RNF38: variants seen among roughly 807,000 people sequenced by gnomAD.
RNF38 encodes the protein E3 ubiquitin-protein ligase RNF38.
A neutral mutation model predicts 67.2 loss-of-function variants in RNF38; 15 were observed. The observed-to-expected ratio is 0.22, with a 90% CI of 0.15 to 0.34. The LOEUF (loss-of-function observed/expected upper bound fraction) is 0.34. Ranked by LOEUF, RNF38 falls within the 10% of genes least tolerant of loss-of-function variation. RNF38 has a pLI of 1.00. For synonymous variants in RNF38, 220 were observed against 218.8 expected, an observed-to-expected ratio of 1.01 and a Z score of -0.05; for missense variants, 524 against 639.9, an observed-to-expected ratio of 0.82 and a Z score of 1.95.
At chr9:36,431,915 T>A (rs1440577886) in intron 1 of RNF38, among the ~76,000 whole-genome samples, 5 of 151,956 alleles carry the variant, frequency 3.3e-5, no homozygotes, top group Non-Finnish European at 5.9e-5. Flanking sequence ...CAGGTATAGC[T>A]GAAAGGAGCT....
At chr9:36,396,207 T>C (rs1837498785) in intron 1 of RNF38, among the ~76,000 whole-genome samples, 1 of 152,260 alleles carries the variant, frequency 6.6e-6, no homozygotes, top group Non-Finnish European at 1.5e-5. Context: ...TGTAACAGCC[T>C]GCCTTTCTGA....
In RNF38 at chr9:36,369,758, T is replaced by G; in HGVS notation, c.531A>C (p.Pro177=). ...SPRLLHPAAH[P]PQQNAVMVDI... Reference sequence around the variant, plus strand: ...CAACCATGACTGCATTCTGCTGGGGTGGATGAGCAGCAGGATGTAGCAGAC... The same window carrying G: ...CAACCATGACTGCATTCTGCTGGGGGGGATGAGCAGCAGGATGTAGCAGAC... The change falls in exon 4 of 12, where the codon CCA becomes CCC. Residue 177 remains proline, a synonymous_variant. Coordinates refer to ENST00000259605, the MANE Select transcript of RNF38 (RefSeq NM_022781.5). 1 of 1,613,436 alleles carries G rather than the reference T, an allele frequency of 6.2e-7. No homozygotes were observed. Among genetic ancestry groups the G allele is most frequent in the Non-Finnish European group, 8.5e-7 (1 of 1,179,892 alleles).
intron 1 of RNF38, among the ~76,000 whole-genome samples, chr9:36,446,057 C>T (rs1839294053): frequency 6.6e-6 from 1 of 152,152 alleles, no homozygotes; most frequent in Non-Finnish European, 1.5e-5. Context: ...ACAGGGAAGT[C>T]CACCAAGCTT....
Position 36,385,442 on chromosome 9 carries a change from G to A in RNF38, c.162+5025C>T, listed in dbSNP as rs560558325. 2.0e-3 allele frequency among the ~76,000 whole-genome samples: 299 copies of A among 151,170 alleles called. 1 individual carries two copies. The highest frequency in any genetic ancestry group is 7.2e-3 in the African/African-American group (295 of 41,132). The stretch of plus-strand genomic sequence containing the variant: ...CATCCAGGCTGGAGTGCAATGGCGC[G>A]ATCTCGGCTCACAGTAACCTCCGCC... On this transcript the variant is annotated intron_variant, in intron 2 of 11. Transcript: ENST00000259605.
At chr9:36,451,473 G>GA (rs1037896940) in intron 1 of RNF38, among the ~76,000 whole-genome samples, 12 of 91,298 alleles carry the variant, frequency 1.3e-4, no homozygotes, top group South Asian at 3.8e-4. Context: ...TCTTAAAGAA[G>GA]AAAAAAAAAT....
chr9:36,371,777 C>T (rs950738334), intron 3 of RNF38, among the ~76,000 whole-genome samples: 8 of 151,860 alleles, frequency 5.3e-5, no homozygotes, highest in African/African-American at 1.9e-4. Flanking sequence ...AAATTTTTCT[C>T]GTATTGCCTT....
chr9:36,412,534 G>A (rs1009896771), intron 2 of RNF38, among the ~76,000 whole-genome samples: 2 of 152,234 alleles, frequency 1.3e-5, no homozygotes, highest in Admixed American at 1.3e-4. Context: ...TTCGTGGGAG[G>A]TATCTGGATT....
At chr9:36,357,264 A>G (rs1291367087) in intron 5 of RNF38, among the ~76,000 whole-genome samples, 9 of 152,196 alleles carry the variant, frequency 5.9e-5, no homozygotes, top group Non-Finnish European at 1.3e-4. Flanking sequence ...TGAGCAAGTC[A>G]TATTTAACTT....
At position 36,358,839 on chromosome 9, in the gene RNF38, G is replaced by A. The variant is rs147491252; in HGVS notation, c.571-897C>T. Among the ~76,000 whole-genome samples the A allele has an allele frequency of 7.4e-3, 1,131 of 152,192 alleles. 16 individuals are homozygous for A. Among genetic ancestry groups the A allele is most frequent in the African/African-American group, 0.026 (1,062 of 41,512 alleles). On this transcript the variant is annotated intron_variant, in intron 4 of 11. Transcript: ENST00000259605. ...AGCCTGGCCAACATGGTGAAAACCCGTCTCTACTAAAAATACAAAAAATTA... is the reference window on the plus strand; with the variant it reads ...AGCCTGGCCAACATGGTGAAAACCCATCTCTACTAAAAATACAAAAAATTA...
chr9:36,358,742 G>T (rs987228902), intron 4 of RNF38, among the ~76,000 whole-genome samples: 8 of 152,172 alleles, frequency 5.3e-5, no homozygotes, highest in African/African-American at 1.9e-4. Context: ...AGGCACGGTG[G>T]CTCATGCCTG....
At chr9:36,394,271 C>CAA (rs1292578735) in intron 1 of RNF38, among the ~76,000 whole-genome samples, 19 of 140,822 alleles carry the variant, frequency 1.3e-4, no homozygotes, top group Middle Eastern at 3.6e-3. Flanking sequence ...AAGACTGTCT[C>CAA]AAAAAAAAAA....
In RNF38 at chr9:36,414,964, A is replaced by G. The variant is rs527548449; in HGVS notation, n.312+9649T>C. ...GTTTTCCTTTATGCTTTTCCCTAAC[A>G]GTTCTTAAGGTTCTTTTCTTCATCT... On this transcript the variant is annotated intron_variant and non_coding_transcript_variant, in intron 2 of 3. Coordinates refer to the RNF38 transcript ENST00000488058. 1.3e-3 allele frequency among the ~76,000 whole-genome samples: 197 copies of G among 152,252 alleles called. 1 individual carries two copies. In the Middle Eastern group the frequency reaches 0.017, roughly 13 times the overall value.
At chr9:36,438,072 G>A (rs1469746682) in intron 1 of RNF38, among the ~76,000 whole-genome samples, 1 of 152,116 alleles carries the variant, frequency 6.6e-6, no homozygotes, top group East Asian at 1.9e-4. Flanking sequence ...CTCTCGAGTA[G>A]CTGGGACTAC....
chr9:36,342,013 T>TA (rs1832891503), intron 11 of RNF38, among the ~76,000 whole-genome samples: 1 of 152,124 alleles, frequency 6.6e-6, no homozygotes, highest in Non-Finnish European at 1.5e-5. Context: ...CCTCTGAAAA[T>TA]AGAGCTATAA....
rs764858220 is a variant in RNF38, at chr9:36,369,963, T to C, written c.357-31A>G. 6 of 1,554,104 alleles carry C rather than the reference T, an allele frequency of 3.9e-6. No individual in the cohort carries two copies. In the Admixed American group the frequency reaches 7.1e-5, roughly 18 times the overall value. On this transcript the variant is annotated intron_variant, in intron 3 of 11. Transcript: ENST00000259605. The stretch of plus-strand genomic sequence containing the variant: ...ATAAATATCAAAAAGAAAGTCATTA[T>C]GCTTATTGTGATCCATCAGGATTCT...
intron 1 of RNF38, among the ~76,000 whole-genome samples, chr9:36,427,514 G>A (rs1838803294): frequency 6.6e-6 from 1 of 152,096 alleles, no homozygotes; most frequent in Non-Finnish European, 1.5e-5. Flanking sequence ...TCATGAATAG[G>A]ATCAGTATCC....
At chr9:36,438,107 A>C (rs534840684) in intron 1 of RNF38, among the ~76,000 whole-genome samples, 4 of 151,996 alleles carry the variant, frequency 2.6e-5, no homozygotes, top group Non-Finnish European at 5.9e-5. Context: ...AGGCTCAGCT[A>C]ATTTTTTATT....
chr9:36,445,585 G>A (rs529088837), intron 1 of RNF38, among the ~76,000 whole-genome samples: 35 of 152,336 alleles, frequency 2.3e-4, no homozygotes, highest in Non-Finnish European at 4.7e-4. Context: ...ATGAGAGAGA[G>A]TGAAACAGTC....
intron 1 of RNF38, among the ~76,000 whole-genome samples, chr9:36,444,874 T>C (rs1276304350): frequency 6.6e-6 from 1 of 151,056 alleles, no homozygotes; most frequent in Admixed American, 6.6e-5. Flanking sequence ...TTTAGTAACC[T>C]GAAAATTTAA....
Sources: gnomAD v4.1 joint callset for allele counts (sites outside exome capture counted in the v4.1 genomes callset) on GRCh38, gnomAD v4.1.1 for gene constraint, MANE v1.5 for transcripts, NCBI Gene and HGNC (gene_info 2026-07-23, HGNC 2026-07-21) for gene names.